The following CALN1 variants were observed in gnomAD, a reference collection of about 807,000 sequenced individuals.
CALN1 encodes calneuron 1.
CALN1 carries 17 observed loss-of-function variants against 30.6 expected under a neutral mutation model. That is an observed-to-expected ratio of 0.56 (90% CI 0.38 to 0.83). The LOEUF is 0.83. CALN1 is among the 40% of genes least tolerant of loss of function. The probability of loss-of-function intolerance (pLI) is 0.00; values close to 1 mark genes in which losing one functional copy is unlikely to be tolerated. For missense variants in CALN1, 291 were observed against 354.9 expected, an observed-to-expected ratio of 0.82 and a Z score of 1.45; for synonymous variants, 156 against 131.4, an observed-to-expected ratio of 1.19 and a Z score of -1.28.
At chr7:72,203,868 C>T (rs1791613783) in intron 3 of CALN1, among the ~76,000 whole-genome samples, 1 of 151,506 alleles carries the variant, frequency 6.6e-6, no homozygotes, top group Non-Finnish European at 1.5e-5. Flanking sequence ...TATACAAAAG[C>T]CAGGGGGTAA....
intron 3 of CALN1, among the ~76,000 whole-genome samples, chr7:72,215,150 G>A (rs945157799): frequency 6.6e-6 from 1 of 152,120 alleles, no homozygotes; most frequent in African/African-American, 2.4e-5. Context: ...TGGCAAAAGG[G>A]CTGCGGACCA....
chr7:72,231,905 T>C (rs2129550667), intron 3 of CALN1, among the ~76,000 whole-genome samples: 1 of 152,294 alleles, frequency 6.6e-6, no homozygotes, highest in African/African-American at 2.4e-5. Context: ...TAGCAGCATG[T>C]AAGTTGCACT....
the CALN1 span, among the ~76,000 whole-genome samples, chr7:72,499,894 T>C: frequency 8.8e-5 from 4 of 45,522 alleles, no homozygotes; most frequent in African/African-American, 3.0e-4. Context: ...TCTTTCTTTC[T>C]TTCTTTCTTT....
chr7:72,271,575 A>AATATATATATATATATATATATAT (rs1410679506), intron 3 of CALN1, among the ~76,000 whole-genome samples: 11 of 52,044 alleles, frequency 2.1e-4, no homozygotes, highest in South Asian at 1.2e-3. Flanking sequence ...AAAAAAAAAA[A>AATATATATATATATATATATATAT]ATATATATAT....
At chr7:72,210,512 C>T (rs971111745) in intron 3 of CALN1, among the ~76,000 whole-genome samples, 7 of 152,014 alleles carry the variant, frequency 4.6e-5, no homozygotes, top group Admixed American at 1.3e-4. Context: ...CATTGCCTCA[C>T]GGTTCAGCAT....
At chr7:71,966,627 A>G (rs1450953004) in intron 5 of CALN1, among the ~76,000 whole-genome samples, 1 of 152,168 alleles carries the variant, frequency 6.6e-6, no homozygotes, top group Admixed American at 6.5e-5. Flanking sequence ...TCAGAAGCTC[A>G]GCAGATTCCA....
At chr7:72,170,168 A>G (rs1402226832) in intron 3 of CALN1, among the ~76,000 whole-genome samples, 1 of 152,110 alleles carries the variant, frequency 6.6e-6, no homozygotes, top group East Asian at 1.9e-4. Context: ...CATTTTGTAG[A>G]GACAGGATCT....
chr7:71,900,467 G>A (rs1793787953), intron 5 of CALN1, among the ~76,000 whole-genome samples: 1 of 152,184 alleles, frequency 6.6e-6, no homozygotes, highest in Non-Finnish European at 1.5e-5. Flanking sequence ...AAGGTTTCAG[G>A]ATACAAAGTC....
At position 72,279,414 on chromosome 7, in the gene CALN1, G is replaced by A. The variant is rs182158406; in HGVS notation, c.120-604C>T. Reference sequence around the variant, plus strand: ...GATGCTGCTTACATGAGTGGTGTGTGAGCACACACATTCTGAAATGCTAAT... The same window carrying A: ...GATGCTGCTTACATGAGTGGTGTGTAAGCACACACATTCTGAAATGCTAAT... On this transcript the variant is annotated intron_variant, in intron 2 of 6. Coordinates refer to ENST00000395275, the MANE Select transcript of CALN1 (RefSeq NM_031468.4). Among the ~76,000 whole-genome samples, 882 of 152,340 alleles carry A rather than the reference G, an allele frequency of 5.8e-3. 15 individuals carry two copies. Among genetic ancestry groups the A allele is most frequent in the African/African-American group, 0.02 (839 of 41,588 alleles).
chr7:72,284,856 A>T (rs2129554453), intron 2 of CALN1, among the ~76,000 whole-genome samples: 1 of 152,226 alleles, frequency 6.6e-6, no homozygotes. Flanking sequence ...TATATGATAG[A>T]TGATGGATGG....
chr7:71,908,705 C>T (rs1182908603), intron 5 of CALN1, among the ~76,000 whole-genome samples: 3 of 152,216 alleles, frequency 2.0e-5, no homozygotes, highest in Non-Finnish European at 2.9e-5. Context: ...TAAGGACAGG[C>T]AAGGACTGAA....
chr7:72,305,177 G>A (rs1799565841), intron 2 of CALN1, among the ~76,000 whole-genome samples: 1 of 152,132 alleles, frequency 6.6e-6, no homozygotes, highest in South Asian at 2.1e-4. Context: ...ATTTTGATTG[G>A]GACTGGCCCC....
chr7:71,831,126 A>G (rs1365569355), intron 5 of CALN1, among the ~76,000 whole-genome samples: 1 of 152,190 alleles, frequency 6.6e-6, no homozygotes, highest in Non-Finnish European at 1.5e-5. Context: ...CGTACCCTGA[A>G]GCAGGTCATT....
intron 2 of CALN1, among the ~76,000 whole-genome samples, chr7:72,396,258 G>GAAAAAAAA (rs1554399594): frequency 9.1e-6 from 1 of 109,702 alleles, no homozygotes; most frequent in Non-Finnish European, 1.8e-5. Context: ...AAAAAAAAAA[G>GAAAAAAAA]AAAGAAAAAG....
intron 5 of CALN1, among the ~76,000 whole-genome samples, chr7:71,950,017 C>T (rs1241018935): frequency 6.6e-6 from 1 of 152,186 alleles, no homozygotes; most frequent in African/African-American, 2.4e-5. Context: ...CTGCCTCAGC[C>T]TCCCAAAGTG....
intron 1 of CALN1, among the ~76,000 whole-genome samples, chr7:72,421,463 C>T (rs1259106087): frequency 6.7e-6 from 1 of 150,358 alleles, no homozygotes; most frequent in Non-Finnish European, 1.5e-5. Flanking sequence ...CTTTTAACAT[C>T]TTATCTTCTT....
intron 4 of CALN1, among the ~76,000 whole-genome samples, chr7:72,036,652 C>G (rs1213378640): frequency 6.6e-6 from 1 of 152,002 alleles, no homozygotes; most frequent in Non-Finnish European, 1.5e-5. Context: ...TACTTTTTGG[C>G]TTTAGAATTT....
intron 1 of CALN1, among the ~76,000 whole-genome samples, chr7:72,424,923 C>G (rs1807748273): frequency 6.6e-6 from 1 of 152,022 alleles, no homozygotes; most frequent in African/African-American, 2.4e-5. Flanking sequence ...TGGCAAGATT[C>G]ACAGGACTCA....
chr7:72,291,703 C>G (rs1170471583), intron 2 of CALN1, among the ~76,000 whole-genome samples: 1 of 152,182 alleles, frequency 6.6e-6, no homozygotes, highest in Non-Finnish European at 1.5e-5. Context: ...ACCTCCACCT[C>G]CCGGGTTCAA....
Sources: allele counts gnomAD v4.1 joint callset (sites outside exome capture counted in the v4.1 genomes callset), GRCh38; gene constraint gnomAD v4.1.1; transcripts MANE v1.5; gene names NCBI Gene and HGNC (gene_info 2026-07-23, HGNC 2026-07-21).